Variants in GRIN2A observed in about 807,000 individuals in gnomAD.
The protein encoded by GRIN2A is glutamate ionotropic receptor NMDA type subunit 2A.
GRIN2A carries 22 observed loss-of-function variants against 113.4 expected under a neutral mutation model. That is an observed-to-expected ratio of 0.19 (90% CI 0.14 to 0.28). The LOEUF is 0.28. Ranked by LOEUF, GRIN2A falls within the 10% of genes least tolerant of loss-of-function variation. GRIN2A has a pLI of 1.00. For synonymous variants in GRIN2A, 827 were observed against 738.4 expected, an observed-to-expected ratio of 1.12 and a Z score of -1.94; for missense variants, 1,502 against 1,887.0, an observed-to-expected ratio of 0.80 and a Z score of 3.78.
At chr16:9,880,052 A>C (rs1402489642) in intron 4 of GRIN2A, among the ~76,000 whole-genome samples, 1 of 152,196 alleles carries the variant, frequency 6.6e-6, no homozygotes, top group Admixed American at 6.5e-5. Flanking sequence ...ATGATCTCAC[A>C]GTTCTGCAGG....
intron 4 of GRIN2A, among the ~76,000 whole-genome samples, chr16:9,852,295 G>T (rs1026822242): frequency 1.3e-5 from 2 of 152,152 alleles, no homozygotes; most frequent in African/African-American, 4.8e-5. Flanking sequence ...TTGAGCTACA[G>T]TAACCACGTT....
intron 2 of GRIN2A, among the ~76,000 whole-genome samples, chr16:9,959,798 A>AC (rs2045395449): frequency 6.6e-6 from 1 of 152,110 alleles, no homozygotes. Context: ...ACATGGTGAA[A>AC]CCCCATCTCT....
chr16:10,067,466 C>T (rs1567274546), intron 2 of GRIN2A, among the ~76,000 whole-genome samples: 1 of 152,194 alleles, frequency 6.6e-6, no homozygotes, highest in South Asian at 2.1e-4. Context: ...TGTTAGCATC[C>T]ATGCCAATGA....
rs886411114 is a variant in GRIN2A, at chr16:10,053,528, G to A, written c.415-114977C>T. 7.9e-5 allele frequency among the ~76,000 whole-genome samples: 12 copies of A among 152,198 alleles called. No individual in the cohort carries two copies. The South Asian group carries it at 8.3e-4, about 11-fold the overall frequency. Reference sequence around the variant, plus strand: ...GTCTCTCTTAAGGACTGTGAGTGACGAATGAAGCAGAGTCACTGGTATCTT... The same window carrying A: ...GTCTCTCTTAAGGACTGTGAGTGACAAATGAAGCAGAGTCACTGGTATCTT... On this transcript the variant is annotated intron_variant, in intron 2 of 12. Transcript: ENST00000330684.
chr16:9,836,879 A>C (rs892575698), intron 7 of GRIN2A, among the ~76,000 whole-genome samples: 1 of 152,232 alleles, frequency 6.6e-6, no homozygotes, highest in Non-Finnish European at 1.5e-5. Context: ...ATACCAGGTC[A>C]GCATTTCTTT....
intron 2 of GRIN2A, among the ~76,000 whole-genome samples, chr16:9,966,178 G>T (rs1165908505): frequency 6.6e-6 from 1 of 152,124 alleles, no homozygotes; most frequent in Non-Finnish European, 1.5e-5. Context: ...AGGTAAACTT[G>T]TGCCATGGGG....
intron 2 of GRIN2A, among the ~76,000 whole-genome samples, chr16:10,133,442 A>G (rs549739355): frequency 6.6e-6 from 1 of 152,246 alleles, no homozygotes; most frequent in South Asian, 2.1e-4. Context: ...ACCAGTCTCT[A>G]CTAAAAATAC....
intron 2 of GRIN2A, among the ~76,000 whole-genome samples, chr16:10,017,647 G>A (rs2046635617): frequency 6.6e-6 from 1 of 152,146 alleles, no homozygotes; most frequent in South Asian, 2.1e-4. Flanking sequence ...GAATGAGCCT[G>A]AGACACTGTG....
intron 2 of GRIN2A, among the ~76,000 whole-genome samples, chr16:10,178,352 G>A (rs1314105901): frequency 1.6e-4 from 25 of 152,178 alleles, no homozygotes; most frequent in Admixed American, 1.6e-3. Flanking sequence ...TGATTTAGTG[G>A]AATGGAAGAT....
At chr16:10,039,594 G>T (rs925584681) in intron 2 of GRIN2A, among the ~76,000 whole-genome samples, 3 of 151,916 alleles carry the variant, frequency 2.0e-5, no homozygotes, top group African/African-American at 7.3e-5. Context: ...GCGCAGCAGC[G>T]GGAGGGACCG....
intron 2 of GRIN2A, among the ~76,000 whole-genome samples, chr16:10,102,008 C>G (rs1596506493): frequency 6.6e-6 from 1 of 152,176 alleles, no homozygotes; most frequent in East Asian, 1.9e-4. Context: ...ATTTATGGAG[C>G]AATGAGTATG....
intron 2 of GRIN2A, among the ~76,000 whole-genome samples, chr16:10,077,005 A>G (rs183222663): frequency 0.01 from 1,560 of 152,318 alleles, 18 homozygotes; most frequent in Non-Finnish European, 0.012. Context: ...CCAGGGTCAC[A>G]AGTGCAGAAC....
At chr16:10,043,071 A>G (rs764923132) in intron 2 of GRIN2A, among the ~76,000 whole-genome samples, 3 of 152,214 alleles carry the variant, frequency 2.0e-5, no homozygotes, top group Non-Finnish European at 4.4e-5. Flanking sequence ...CTTGCAGCTA[A>G]ACATACCCCA....
intron 2 of GRIN2A, among the ~76,000 whole-genome samples, chr16:10,096,221 G>T (rs1449111627): frequency 6.6e-6 from 1 of 152,046 alleles, no homozygotes; most frequent in East Asian, 1.9e-4. Flanking sequence ...GTGCCTCCTA[G>T]GTTGACAGCC....
intron 2 of GRIN2A, among the ~76,000 whole-genome samples, chr16:10,068,500 C>T (rs185343655): frequency 6.6e-6 from 1 of 152,136 alleles, no homozygotes; most frequent in Non-Finnish European, 1.5e-5. Context: ...TTTTAAATGA[C>T]CAGATCTCAA....
intron 2 of GRIN2A, among the ~76,000 whole-genome samples, chr16:10,129,800 A>G (rs1323997312): frequency 1.3e-5 from 2 of 152,242 alleles, no homozygotes; most frequent in East Asian, 1.9e-4. Context: ...GGGTTTTGTC[A>G]TCGTTCTTAC....
chr16:10,009,443 G>T (rs1034918557), intron 2 of GRIN2A, among the ~76,000 whole-genome samples: 3 of 152,122 alleles, frequency 2.0e-5, no homozygotes. Flanking sequence ...AGGTGAGAGC[G>T]ACATACTGTA....
At chr16:9,899,436 G>A (rs1241656937) in intron 3 of GRIN2A, among the ~76,000 whole-genome samples, 4 of 33,036 alleles carry the variant, frequency 1.2e-4, no homozygotes, top group African/African-American at 4.6e-4. Context: ...GCAAAACTCC[G>A]TCTCAAAAAA....
chr16:10,117,841 G>A lies in GRIN2A; in HGVS notation c.414+62157C>T, dbSNP rs550294059. 1.2e-3 allele frequency among the ~76,000 whole-genome samples: 179 copies of A among 152,202 alleles called. 2 individuals are homozygous for A. The highest frequency in any genetic ancestry group is 1.8e-3 in the Non-Finnish European group (122 of 68,036). ...TGACAATAGAAATATAGTGGACATA[G>A]AATATCTTTCCTCATCAAGCATCCA... On this transcript the variant is annotated intron_variant, in intron 2 of 12. Coordinates refer to ENST00000330684, the MANE Select transcript of GRIN2A (RefSeq NM_001134407.3).
Sources: allele counts gnomAD v4.1 joint callset (sites outside exome capture counted in the v4.1 genomes callset), GRCh38; gene constraint gnomAD v4.1.1; transcripts MANE v1.5; gene names NCBI Gene and HGNC (gene_info 2026-07-23, HGNC 2026-07-21).